The following BNC2 variants were observed in gnomAD, a reference collection of about 807,000 sequenced individuals.
The protein encoded by BNC2 is basonuclin zinc finger protein 2.
BNC2 carries 20 observed loss-of-function variants against 76.3 expected under a neutral mutation model. The observed-to-expected ratio is 0.26, with a 90% CI of 0.18 to 0.38. BNC2 has a LOEUF of 0.38. BNC2 is among the 10% of genes least tolerant of loss of function. The probability of loss-of-function intolerance (pLI) is 1.00; values close to 1 mark genes in which losing one functional copy is unlikely to be tolerated. For synonymous variants in BNC2, 582 were observed against 514.8 expected, an observed-to-expected ratio of 1.13 and a Z score of -1.77; for missense variants, 1,382 against 1,399.8, an observed-to-expected ratio of 0.99 and a Z score of 0.20.
rs1041537544 is a variant in BNC2 at position 16,471,936 on chromosome 9, G to C, written c.670-34412C>G. Among the ~76,000 whole-genome samples the C allele has an allele frequency of 6.6e-5, 10 of 152,178 alleles. No homozygotes were observed. The East Asian group carries it at 1.9e-3, about 29-fold the overall frequency. On this transcript the variant is annotated intron_variant, in intron 5 of 6. Transcript: ENST00000380672. ...TGAATAAGTCTCACAAGATCTGATG[G>C]GTTTATCAGGGCTTTCTGCTTTTGC...
chr9:16,486,827 G>A (rs1263886723), intron 5 of BNC2, among the ~76,000 whole-genome samples: 1 of 152,088 alleles, frequency 6.6e-6, no homozygotes, highest in Non-Finnish European at 1.5e-5. Flanking sequence ...CTGGGCTCAA[G>A]CGATCCTCCT....
At chr9:16,591,131 A>C (rs1185961185) in intron 3 of BNC2, among the ~76,000 whole-genome samples, 1 of 152,186 alleles carries the variant, frequency 6.6e-6, no homozygotes, top group African/African-American at 2.4e-5. Flanking sequence ...AATTTATATA[A>C]TACTGCCTTG....
chr9:16,734,326 C>A (rs1319830044), intron 2 of BNC2, among the ~76,000 whole-genome samples: 1 of 152,160 alleles, frequency 6.6e-6, no homozygotes, highest in Non-Finnish European at 1.5e-5. Context: ...AAACCTGGGA[C>A]ATGAATTTGG....
chr9:16,601,277 G>A (rs1282510959), intron 3 of BNC2, among the ~76,000 whole-genome samples: 2 of 152,114 alleles, frequency 1.3e-5, no homozygotes, highest in African/African-American at 4.8e-5. Context: ...TGCACAACCC[G>A]AGAAGAAGTG....
chr9:16,644,722 TAAA>T (rs1174671687), intron 3 of BNC2, among the ~76,000 whole-genome samples: 1 of 152,168 alleles, frequency 6.6e-6, no homozygotes, highest in Non-Finnish European at 1.5e-5. Context: ...AGAAAGACAG[TAAA>T]TAAGTAGCAC....
rs371731037 is a variant in BNC2, at chr9:16,744,128, G to A, written c.4-5643C>T. On this transcript the variant is annotated intron_variant, in intron 1 of 6. Coordinates refer to ENST00000380672, the MANE Select transcript of BNC2 (RefSeq NM_017637.6). ...ACTACAGGCGCCTGCCACCACGCCC[G>A]GCTAATTTTTTTTTGTATTTTTAGT... Among the ~76,000 whole-genome samples, 12 of 151,874 alleles carry A rather than the reference G, an allele frequency of 7.9e-5. No individual in the cohort carries two copies. The East Asian group carries it at 1.7e-3, about 22-fold the overall frequency.
At chr9:16,519,962 G>A (rs1425937166) in intron 5 of BNC2, among the ~76,000 whole-genome samples, 1 of 151,988 alleles carries the variant, frequency 6.6e-6, no homozygotes, top group Non-Finnish European at 1.5e-5. Context: ...ATAGTTCCTG[G>A]GACCAAACAT....
chr9:16,747,516 A>G (rs973725035), intron 1 of BNC2, among the ~76,000 whole-genome samples: 3 of 152,178 alleles, frequency 2.0e-5, no homozygotes, highest in Non-Finnish European at 2.9e-5. Context: ...CCTCTGAGAT[A>G]GGTATTATTA....
intron 3 of BNC2, among the ~76,000 whole-genome samples, chr9:16,638,388 T>G (rs1317241341): frequency 2.6e-5 from 4 of 152,214 alleles, no homozygotes; most frequent in Non-Finnish European, 5.9e-5. Context: ...TACTGATTAC[T>G]GGATAAAACA....
chr9:16,722,160 C>T (rs933992481), intron 3 of BNC2, among the ~76,000 whole-genome samples: 1 of 152,302 alleles, frequency 6.6e-6, no homozygotes, highest in Non-Finnish European at 1.5e-5. Context: ...CGGACTGTTC[C>T]TTTGGAATCA....
chr9:16,613,304 T>C (rs1440992308), intron 3 of BNC2, among the ~76,000 whole-genome samples: 4 of 152,196 alleles, frequency 2.6e-5, no homozygotes, highest in African/African-American at 9.6e-5. Flanking sequence ...GAAAACGTAC[T>C]GTGTTAAAGA....
Position 16,436,426 on chromosome 9 carries a change from G to A in BNC2, c.1768C>T (p.Pro590Ser). Residue 590 changes from proline (P) to serine (S), a missense_variant, in exon 6 of 7, where the codon CCA becomes TCA. This residue lies in a region of BNC2 where 798 missense variants were observed against 775.5 expected (regional missense o/e 1.03). Transcript: ENST00000380672. ...GEMVSPPTSL[P>S]TSPIIPTSGT... ...CTGGTTGGAATGATGGGACTGGTTG[G>A]GAGGGAGGTTGGAGGACTCACCATT... The A allele has an allele frequency of 6.2e-7, 1 of 1,614,096 alleles. No homozygotes were observed. Among genetic ancestry groups the A allele is most frequent in the Non-Finnish European group, 8.5e-7 (1 of 1,180,018 alleles).
intron 4 of BNC2, among the ~76,000 whole-genome samples, chr9:16,565,747 G>A (rs1287913256): frequency 1.3e-5 from 2 of 151,686 alleles, no homozygotes; most frequent in Non-Finnish European, 2.9e-5. Context: ...GGTCGAGGCT[G>A]CAGTGAGCCA....
chr9:16,460,559 G>A (rs965153498), intron 5 of BNC2, among the ~76,000 whole-genome samples: 2 of 152,136 alleles, frequency 1.3e-5, no homozygotes, highest in African/African-American at 4.8e-5. Flanking sequence ...GGAGGCAAAG[G>A]TGGCAGTGAA....
At chr9:16,445,007 G>A (rs987842153) in intron 5 of BNC2, among the ~76,000 whole-genome samples, 1 of 152,130 alleles carries the variant, frequency 6.6e-6, no homozygotes, top group African/African-American at 2.4e-5. Context: ...AGTGTGCATG[G>A]ATCAATGTTG....
At chr9:16,452,979 TA>T (rs1436567684) in intron 5 of BNC2, among the ~76,000 whole-genome samples, 2 of 152,078 alleles carry the variant, frequency 1.3e-5, no homozygotes, top group African/African-American at 2.4e-5. Context: ...AAAACAAAAC[TA>T]AACCCAAACC....
chr9:16,438,563 C>A (rs1041533747), intron 5 of BNC2, among the ~76,000 whole-genome samples: 6 of 152,122 alleles, frequency 3.9e-5, no homozygotes, highest in African/African-American at 1.4e-4. Context: ...TGAGAGAGAT[C>A]TATTCAAACA....
intron 1 of BNC2, among the ~76,000 whole-genome samples, chr9:16,860,973 G>C (rs1453779329): frequency 6.6e-6 from 1 of 151,592 alleles, no homozygotes; most frequent in Non-Finnish European, 1.5e-5. Flanking sequence ...TTAAACCCAA[G>C]AGGTGGAGGT....
intron 1 of BNC2, among the ~76,000 whole-genome samples, chr9:16,800,351 T>C (rs972719064): frequency 6.6e-6 from 1 of 152,128 alleles, no homozygotes. Flanking sequence ...CTAAGTACCA[T>C]ATACATGTCT....
Sources: gnomAD v4.1 joint callset for allele counts (sites outside exome capture counted in the v4.1 genomes callset) on GRCh38, gnomAD v4.1.1 for gene constraint, gnomAD v4.1.1 regional missense constraint, MANE v1.5 for transcripts, NCBI Gene and HGNC (gene_info 2026-07-23, HGNC 2026-07-21) for gene names.